Variants in MTHFD1L observed in about 807,000 individuals in gnomAD.
MTHFD1L encodes the protein methylenetetrahydrofolate dehydrogenase (NADP+ dependent) 1 like.
A neutral mutation model predicts 119.5 loss-of-function variants in MTHFD1L; 81 were observed. The observed-to-expected ratio is 0.68, with a 90% CI of 0.57 to 0.82. The LOEUF (loss-of-function observed/expected upper bound fraction) is 0.82, where lower values mean the gene tolerates loss of function less well. MTHFD1L is among the 40% of genes least tolerant of loss of function. The pLI is 0.00. For missense variants in MTHFD1L, 1,125 were observed against 1,253.4 expected, an observed-to-expected ratio of 0.90 and a Z score of 1.55; for synonymous variants, 430 against 475.2, an observed-to-expected ratio of 0.90 and a Z score of 1.24.
At chr6:151,037,185 C>T in intron 26 of MTHFD1L, 68 bp downstream of exon 26, 3 of 1,532,296 alleles carry the variant, frequency 2.0e-6, no homozygotes, top group Non-Finnish European at 2.7e-6. Flanking sequence ...AATCGTTATG[C>T]TCCGCCCGCT....
At chr6:150,932,185 A>AAAAAAAAT (rs1554253693) in intron 11 of MTHFD1L, among the ~76,000 whole-genome samples, 1 of 148,492 alleles carries the variant, frequency 6.7e-6, no homozygotes, top group African/African-American at 2.6e-5. Flanking sequence ...AAAAAAAAAA[A>AAAAAAAAT]GCATCATTCC....
At chr6:150,930,996 AT>A (rs1179123510) in intron 11 of MTHFD1L, among the ~76,000 whole-genome samples, 2 of 152,246 alleles carry the variant, frequency 1.3e-5, no homozygotes, top group African/African-American at 4.8e-5. Flanking sequence ...GTTCAGGGAA[AT>A]ATGCCAAAAG....
At chr6:150,882,730 A>C in intron 4 of MTHFD1L, 32 bp from the exon 5 acceptor site, 1 of 1,413,528 alleles carries the variant, frequency 7.1e-7, no homozygotes, top group Non-Finnish European at 9.3e-7. Flanking sequence ...CACAAAACTA[A>C]TTTTTATTTT....
intron 20 of MTHFD1L, among the ~76,000 whole-genome samples, chr6:151,008,763 G>C (rs1340242568): frequency 6.6e-6 from 1 of 152,116 alleles, no homozygotes; most frequent in Non-Finnish European, 1.5e-5. Flanking sequence ...CAACTAACTT[G>C]AAATTTGTCA....
intron 20 of MTHFD1L, among the ~76,000 whole-genome samples, chr6:150,973,281 T>G (rs1325931902): frequency 6.6e-6 from 1 of 152,228 alleles, no homozygotes; most frequent in African/African-American, 2.4e-5. Flanking sequence ...ATTGAGACTC[T>G]TTTAAGAATT....
At chr6:150,928,231 C>T (rs548348501) in intron 11 of MTHFD1L, among the ~76,000 whole-genome samples, 1 of 151,830 alleles carries the variant, frequency 6.6e-6, no homozygotes, top group Non-Finnish European at 1.5e-5. Context: ...GTCAGGAGAT[C>T]GAGACCATCC....
chr6:151,011,656 C>T (rs953588778), intron 21 of MTHFD1L, among the ~76,000 whole-genome samples: 48 of 152,250 alleles, frequency 3.2e-4, no homozygotes, highest in African/African-American at 9.6e-4. Context: ...ACTTTCGTGC[C>T]ACATTAATCC....
chr6:151,026,286 G>C (rs937820032), intron 24 of MTHFD1L, among the ~76,000 whole-genome samples: 3 of 152,192 alleles, frequency 2.0e-5, no homozygotes, highest in African/African-American at 7.2e-5. Context: ...GAGTCATTCA[G>C]CTAGTGTTTA....
At chr6:150,975,852 C>T (rs1776479930) in intron 20 of MTHFD1L, among the ~76,000 whole-genome samples, 1 of 152,216 alleles carries the variant, frequency 6.6e-6, no homozygotes, top group Non-Finnish European at 1.5e-5. Context: ...TCTGATTCCA[C>T]ACCTGGTCTC....
intron 21 of MTHFD1L, among the ~76,000 whole-genome samples, chr6:151,010,651 T>G (rs1431573575): frequency 6.6e-6 from 1 of 152,184 alleles, no homozygotes; most frequent in Non-Finnish European, 1.5e-5. Flanking sequence ...AGAAAACCTG[T>G]GCATAGATTT....
At chr6:151,014,797 G>C in intron 22 of MTHFD1L, 83 bp from the exon 23 acceptor site, 1 of 955,460 alleles carries the variant, frequency 1.0e-6, no homozygotes, top group Non-Finnish European at 1.6e-6. Context: ...AATCCTGCCA[G>C]AGAGGTGCTG....
chr6:151,011,234 A>T (rs868372028), intron 21 of MTHFD1L, among the ~76,000 whole-genome samples: 2 of 152,258 alleles, frequency 1.3e-5, no homozygotes, highest in South Asian at 4.1e-4. Flanking sequence ...AGTAAATCAT[A>T]AAGAATTCTG....
At chr6:151,021,288 C>T (rs1783913975) in intron 24 of MTHFD1L, among the ~76,000 whole-genome samples, 2 of 152,202 alleles carry the variant, frequency 1.3e-5, no homozygotes, top group Non-Finnish European at 2.9e-5. Flanking sequence ...TGGCTCTCGC[C>T]TGTAATCCCA....
At chr6:150,951,460 TGCATCTA>T (rs1320255749) in intron 16 of MTHFD1L, among the ~76,000 whole-genome samples, 8 of 152,256 alleles carry the variant, frequency 5.3e-5, no homozygotes, top group Non-Finnish European at 5.9e-5. Context: ...GTTTTTTGTG[TGCATCTA>T]GTTTTTTGGT....
Position 150,868,529 on chromosome 6 carries a change from G to A in MTHFD1L, c.227+2480G>A, listed in dbSNP as rs531722416. Among the ~76,000 whole-genome samples, 3 of 151,306 alleles carry A rather than the reference G, an allele frequency of 2.0e-5. No homozygotes were observed. The South Asian group carries it at 6.3e-4, about 32-fold the overall frequency. Reference sequence around the variant, plus strand: ...TTATTTTGTGTTTTTAGTAGAGACGGGGTTTCACCATGTTGGCCAGGCTGG... The same window carrying A: ...TTATTTTGTGTTTTTAGTAGAGACGAGGTTTCACCATGTTGGCCAGGCTGG... On this transcript the variant is annotated intron_variant, in intron 1 of 27. Coordinates refer to ENST00000367321, the MANE Select transcript of MTHFD1L (RefSeq NM_015440.5).
intron 7 of MTHFD1L, 47 bp downstream of exon 7, chr6:150,888,028 C>G (rs370220163): frequency 6.5e-7 from 1 of 1,537,210 alleles, no homozygotes; most frequent in East Asian, 2.3e-5. Flanking sequence ...TCTGTTAGAA[C>G]AGAAGAAAGT....
chr6:150,884,046 C>G (rs1297464951), intron 5 of MTHFD1L, among the ~76,000 whole-genome samples: 1 of 152,058 alleles, frequency 6.6e-6, no homozygotes, highest in East Asian at 1.9e-4. Context: ...TGGCTCACAC[C>G]TGTAATCCTA....
At chr6:150,893,626 A>G (rs1274307627) in intron 7 of MTHFD1L, among the ~76,000 whole-genome samples, 1 of 152,144 alleles carries the variant, frequency 6.6e-6, no homozygotes, top group Non-Finnish European at 1.5e-5. Context: ...AGAGATTTCC[A>G]AAGCTGAGGG....
At position 151,015,519 on chromosome 6, in the gene MTHFD1L, C is replaced by T. The variant is rs757636359; in HGVS notation, c.2412C>T (p.Thr804=). The part of the protein sequence containing the change: ...PVVVALNVFK[T]DTRAEIDLVC... The stretch of plus-strand genomic sequence containing the variant: ...CCACAAACATTTTCTTCACTAGGAC[C>T]GACACCCGCGCTGAGATTGACTTGG... Residue 804 remains threonine (T), a synonymous_variant, in exon 24 of 28, where the codon ACC becomes ACT. Transcript: ENST00000367321. 12 of 1,605,658 alleles carry T rather than the reference C, an allele frequency of 7.5e-6. No individual in the cohort carries two copies. The highest frequency in any genetic ancestry group is 4.5e-5 in the East Asian group (2 of 44,792).
Sources: gnomAD v4.1 joint callset for allele counts (sites outside exome capture counted in the v4.1 genomes callset) on GRCh38, gnomAD v4.1.1 for gene constraint, MANE v1.5 for transcripts, NCBI Gene and HGNC (gene_info 2026-07-23, HGNC 2026-07-21) for gene names.